ANO3: variants seen among roughly 807,000 people sequenced by gnomAD.
The protein encoded by ANO3 is anoctamin-3.
Under a neutral mutation model 144.8 loss-of-function variants are expected in ANO3, and 99 were observed. That is an observed-to-expected ratio of 0.68 (90% CI 0.58 to 0.81). ANO3 has a LOEUF of 0.81. Among genes scored for constraint, ANO3 ranks in the 30% least tolerant of loss-of-function variants. ANO3 has a pLI of 0.00. For synonymous variants in ANO3, 414 were observed against 392.6 expected (o/e 1.05, Z -0.64); for missense variants, 905 against 1,202.2 (o/e 0.75, Z 3.66).
intron 12 of ANO3, among the ~76,000 whole-genome samples, chr11:26,548,309 C>G (rs1310899746): frequency 6.6e-6 from 1 of 151,902 alleles, no homozygotes; most frequent in East Asian, 1.9e-4. Context: ...TCAGCAAGGA[C>G]AAGAGTCACC....
intron 1 of ANO3, among the ~76,000 whole-genome samples, chr11:26,226,093 C>A (rs73439634): frequency 0.023 from 3,452 of 152,072 alleles, 153 homozygotes; most frequent in African/African-American, 0.08. Flanking sequence ...CATATTCAGT[C>A]TTCTTAAAAA....
intron 1 of ANO3, among the ~76,000 whole-genome samples, chr11:26,228,249 T>G (rs967449713): frequency 3.9e-5 from 6 of 152,366 alleles, no homozygotes; most frequent in Non-Finnish European, 4.4e-5. Flanking sequence ...ACCCACATAA[T>G]TTTCAAATTC....
chr11:26,460,108 T>C (rs1182302352), intron 3 of ANO3: 3 of 454,534 alleles, frequency 6.6e-6, no homozygotes, highest in African/African-American at 2.0e-5. Flanking sequence ...ATCCAAGTCA[T>C]AGCAATATCT....
intron 21 of ANO3, 23 bp from the exon 22 acceptor site, chr11:26,641,873 C>G: frequency 6.2e-7 from 1 of 1,610,264 alleles, no homozygotes; most frequent in African/African-American, 1.3e-5. Flanking sequence ...GCTCAAAAGT[C>G]CTTGGTCTGC....
intron 1 of ANO3, among the ~76,000 whole-genome samples, chr11:26,218,025 C>T (rs1564921264): frequency 6.6e-6 from 1 of 152,042 alleles, no homozygotes; most frequent in Non-Finnish European, 1.5e-5. Flanking sequence ...CTTCAGGTCT[C>T]CAATATTATA....
At chr11:26,347,719 A>G (rs778365767) in intron 1 of ANO3, among the ~76,000 whole-genome samples, 5 of 152,238 alleles carry the variant, frequency 3.3e-5, no homozygotes, top group Non-Finnish European at 5.9e-5. Flanking sequence ...GAGAGAAGGC[A>G]TAGACAAAAG....
chr11:26,355,150 C>G (rs1443830603), intron 1 of ANO3, among the ~76,000 whole-genome samples: 2 of 151,942 alleles, frequency 1.3e-5, no homozygotes, highest in African/African-American at 4.8e-5. Context: ...TATTAGGGCT[C>G]TTTTCTTGAT....
At chr11:26,436,952 G>A (rs1356833324) in intron 1 of ANO3, among the ~76,000 whole-genome samples, 1 of 152,062 alleles carries the variant, frequency 6.6e-6, no homozygotes, top group Non-Finnish European at 1.5e-5. Context: ...GACAGCTTCA[G>A]TCCCTAATCA....
At chr11:26,213,290 G>T (rs567963154) in intron 1 of ANO3, among the ~76,000 whole-genome samples, 24 of 152,098 alleles carry the variant, frequency 1.6e-4, no homozygotes, top group Non-Finnish European at 2.6e-4. Flanking sequence ...GGGAAATCAG[G>T]CAAGAGACAT....
chr11:26,473,829 A>C (rs1859866542), intron 4 of ANO3: 6 of 734,410 alleles, frequency 8.2e-6, no homozygotes, highest in Non-Finnish European at 1.0e-5. Flanking sequence ...ATTCCACCCT[A>C]TAACCAACTC....
chr11:26,340,106 A>G (rs1855316210), intron 1 of ANO3, among the ~76,000 whole-genome samples: 1 of 152,182 alleles, frequency 6.6e-6, no homozygotes, highest in Non-Finnish European at 1.5e-5. Context: ...GTTGTGGTAC[A>G]TTTCTTATCA....
chr11:26,542,725 A>G (rs10501057), intron 11 of ANO3, among the ~76,000 whole-genome samples: 8,012 of 152,168 alleles, frequency 0.053, 266 homozygotes, highest in Admixed American at 0.095. Flanking sequence ...TAGTCTTGAA[A>G]TATTGTTGTA....
At chr11:26,462,377 A>G (rs971346832) in intron 3 of ANO3, among the ~76,000 whole-genome samples, 1 of 151,924 alleles carries the variant, frequency 6.6e-6, no homozygotes, top group East Asian at 1.9e-4. Context: ...GAGATTTCCT[A>G]TTTTATATTA....
At chr11:26,384,899 A>G (rs564583182) in intron 1 of ANO3, among the ~76,000 whole-genome samples, 13 of 152,288 alleles carry the variant, frequency 8.5e-5, no homozygotes, top group African/African-American at 2.9e-4. Flanking sequence ...TTCTGTGAAC[A>G]TTTACCTTGG....
At chr11:26,465,506 C>T (rs1859571835) in intron 4 of ANO3, among the ~76,000 whole-genome samples, 1 of 151,656 alleles carries the variant, frequency 6.6e-6, no homozygotes, top group Non-Finnish European at 1.5e-5. Context: ...AGAAAGGGGG[C>T]ACAGACTTGA....
At chr11:26,649,085 T>C (rs993233976) in intron 24 of ANO3, among the ~76,000 whole-genome samples, 5 of 152,216 alleles carry the variant, frequency 3.3e-5, no homozygotes, top group Admixed American at 1.3e-4. Context: ...ACTTTGCCTT[T>C]TTTTAAAATT....
chr11:26,466,647 G>C (rs1859612445), intron 4 of ANO3, among the ~76,000 whole-genome samples: 1 of 151,960 alleles, frequency 6.6e-6, no homozygotes, highest in Non-Finnish European at 1.5e-5. Context: ...AGAGAGATGA[G>C]AGAATCCAAC....
At chr11:26,605,821 T>C (rs917144448) in intron 17 of ANO3, among the ~76,000 whole-genome samples, 12 of 152,260 alleles carry the variant, frequency 7.9e-5, no homozygotes, top group Middle Eastern at 6.8e-3. Context: ...ATTTGATTCT[T>C]CTCTCTTTTC....
intron 1 of ANO3, among the ~76,000 whole-genome samples, chr11:26,361,498 C>T (rs998524185): frequency 1.3e-5 from 2 of 152,106 alleles, no homozygotes; most frequent in Non-Finnish European, 2.9e-5. Context: ...AGTCGAACTT[C>T]TGTTTATGCT....
Sources: gnomAD v4.1 joint callset for allele counts (sites outside exome capture counted in the v4.1 genomes callset) on GRCh38, gnomAD v4.1.1 for gene constraint, MANE v1.5 for transcripts, NCBI Gene and HGNC (gene_info 2026-07-23, HGNC 2026-07-21) for gene names.